Variants in PPA1 observed in about 807,000 individuals in gnomAD.
PPA1 encodes the protein inorganic pyrophosphatase.
A neutral mutation model predicts 41.8 loss-of-function variants in PPA1; 23 were observed. That is an observed-to-expected ratio of 0.55 (90% confidence interval 0.40 to 0.78). The LOEUF (loss-of-function observed/expected upper bound fraction) is 0.78. Ranked by LOEUF, PPA1 falls within the 30% of genes least tolerant of loss-of-function variation. PPA1 has a pLI of 0.00. For missense variants in PPA1, 320 were observed against 361.6 expected (o/e 0.89, Z 0.93); for synonymous variants, 101 against 116.8 (o/e 0.86, Z 0.87).
chr10:70,208,642 C>T (rs897761746), intron 8 of PPA1, among the ~76,000 whole-genome samples: 1 of 152,054 alleles, frequency 6.6e-6, no homozygotes, highest in African/African-American at 2.4e-5. Flanking sequence ...AATGCCAACT[C>T]TTAGGACTGT....
chr10:70,210,383 CAG>C (rs1564581318), intron 6 of PPA1: 1 of 1,365,262 alleles, frequency 7.3e-7, no homozygotes, highest in Non-Finnish European at 9.8e-7. Context: ...GGTCCAGAGG[CAG>C]AGGCTATGTC....
rs938646470 is a variant in PPA1, at chr10:70,203,239, T to C, written c.839-53A>G. 3 of 1,443,496 alleles carry C rather than the reference T, an allele frequency of 2.1e-6. No individual in the cohort carries two copies. In the African/African-American group the frequency reaches 4.2e-5, roughly 20 times the overall value. The allele number at this position is 1,443,496 out of a possible 1,614,324, so 89.4% of individuals were successfully genotyped here. A position where few individuals can be genotyped will look rare whatever the true frequency, so the allele number is the denominator to read the frequency against. ...TAGAATTCCTGTTGAGAATCAAAAA[T>C]ACACCTAACATATAACAAAGACTAA... On this transcript the variant is annotated intron_variant, in intron 10 of 10. Transcript: ENST00000373232.
chr10:70,207,608 T>C (rs1051421286), intron 8 of PPA1, among the ~76,000 whole-genome samples: 4 of 152,142 alleles, frequency 2.6e-5, no homozygotes, highest in South Asian at 4.1e-4. Flanking sequence ...TACAGTGAGC[T>C]ATTATAGTAA....
chr10:70,219,582 C>T (rs1418247987), intron 2 of PPA1, among the ~76,000 whole-genome samples: 1 of 152,182 alleles, frequency 6.6e-6, no homozygotes, highest in African/African-American at 2.4e-5. Context: ...TCTCCCAATT[C>T]GGCTGTTTTT....
chr10:70,204,056 T>A (rs1839909530), intron 10 of PPA1: 1 of 152,406 alleles, frequency 6.6e-6, no homozygotes, highest in Non-Finnish European at 1.5e-5. Context: ...AATATGTACG[T>A]GGCTGCGTGC....
intron 2 of PPA1, among the ~76,000 whole-genome samples, chr10:70,226,922 GA>G (rs1405264758): frequency 2.6e-5 from 4 of 151,914 alleles, no homozygotes; most frequent in Non-Finnish European, 5.9e-5. Context: ...ACAATCACCT[GA>G]AAAAAATAGA....
At chr10:70,214,451 AC>A in intron 5 of PPA1, 48 bp downstream of exon 5, 1 of 1,439,794 alleles carries the variant, frequency 6.9e-7, no homozygotes, top group Non-Finnish European at 9.7e-7. Flanking sequence ...AATTTGGTAT[AC>A]TTCATTAATA....
At chr10:70,228,562 C>T (rs760215104) in intron 2 of PPA1, among the ~76,000 whole-genome samples, 1 of 152,098 alleles carries the variant, frequency 6.6e-6, no homozygotes, top group Non-Finnish European at 1.5e-5. Context: ...CCCAATGGGG[C>T]CAATTGAAGA....
rs1840314665 is a variant in PPA1 at position 70,233,357 on chromosome 10, A to G, written c.-30T>C. The G allele has an allele frequency of 3.3e-6, 5 of 1,531,572 alleles. No homozygotes were observed. The highest frequency in any genetic ancestry group is 4.4e-6 in the Non-Finnish European group (5 of 1,141,724). The allele number at this position is 1,531,572 out of a possible 1,614,324, so 94.9% of individuals were successfully genotyped here. The stretch of plus-strand genomic sequence containing the variant: ...CCGGAGTCCTGCCGCCGCCGCTGCC[A>G]CAGAGCCACCAGCCCGCACGCGGCG... On this transcript the variant is annotated 5_prime_UTR_variant, in exon 1 of 11. Coordinates refer to ENST00000373232, the MANE Select transcript of PPA1 (RefSeq NM_021129.4).
chr10:70,227,864 G>A (rs970801970), intron 2 of PPA1, among the ~76,000 whole-genome samples: 12 of 152,048 alleles, frequency 7.9e-5, no homozygotes, highest in African/African-American at 2.4e-4. Context: ...GGCCAAGCCC[G>A]TGAGAATGTA....
chr10:70,231,125 A>G (rs568150092), intron 1 of PPA1, among the ~76,000 whole-genome samples: 2 of 152,344 alleles, frequency 1.3e-5, no homozygotes, highest in South Asian at 4.1e-4. Context: ...AGTTGCAACA[A>G]ACATCTTCAC....
rs776774423 is a variant in PPA1 at position 70,233,313 on chromosome 10, G to A, written c.15C>T (p.Ser5=). MSGF[S]TEERAAPFSL... is the part of the protein sequence containing the mutation. The stretch of plus-strand genomic sequence containing the variant: ...AGAAGGGCGCGGCGCGCTCCTCGGT[G>A]CTGAAGCCGCTCATAGTGCCGGAGT... Residue 5 remains serine (S), a synonymous_variant, in exon 1 of 11, where the codon AGC becomes AGT. Coordinates refer to ENST00000373232, the MANE Select transcript of PPA1 (RefSeq NM_021129.4). 5.2e-6 allele frequency: 8 copies of A among 1,540,226 alleles called. No homozygotes were observed. The African/African-American group carries it at 1.1e-4, about 21-fold the overall frequency.
intron 3 of PPA1, 107 bp downstream of exon 3, chr10:70,218,657 G>A: frequency 1.2e-6 from 1 of 868,192 alleles, no homozygotes; most frequent in South Asian, 1.5e-5. Context: ...ACTGGGACCA[G>A]ACAGAGAAAA....
chr10:70,220,669 TTATATATATATAATATATATAATTTA>T (rs1840137872), intron 2 of PPA1, among the ~76,000 whole-genome samples: 55 of 3,270 alleles, frequency 0.017, no homozygotes, highest in East Asian at 0.1. Flanking sequence ...TATATATAAT[TTATATATATATAATATATATAATTTA>T]TATATATATA....
intron 1 of PPA1, among the ~76,000 whole-genome samples, chr10:70,230,663 T>G (rs1424428750): frequency 6.6e-6 from 1 of 152,122 alleles, no homozygotes; most frequent in East Asian, 1.9e-4. Context: ...GGAGGTGGTG[T>G]TGCCATGTTC....
At chr10:70,204,436 A>T (rs1368047207) in intron 10 of PPA1, 1 of 153,550 alleles carries the variant, frequency 6.5e-6, no homozygotes, top group Admixed American at 6.5e-5. Flanking sequence ...ACAGAAAGAC[A>T]AATACCACAT....
Position 70,221,074 on chromosome 10 carries a change from A to AT in PPA1, c.124-2258dup, listed in dbSNP as rs1186265851. On this transcript the variant is annotated intron_variant, in intron 2 of 10. Coordinates refer to ENST00000373232, the MANE Select transcript of PPA1 (RefSeq NM_021129.4). ...ATATATAATTTATATATATATATAT[A>AT]TATTTTTTTTTTTTTTTTTTTGTAG... is the stretch of plus-strand genomic sequence containing the variant. Among the ~76,000 whole-genome samples the AT allele has an allele frequency of 9.1e-4, 19 of 20,832 alleles. 4 individuals carry two copies. The highest frequency in any genetic ancestry group is 5.4e-3 in the African/African-American group (17 of 3,158). The allele number at this position is 20,832 out of a possible 152,430, so 13.7% of individuals were successfully genotyped here.
At chr10:70,208,794 C>CTT (rs141989298) in intron 8 of PPA1, among the ~76,000 whole-genome samples, 6 of 126,630 alleles carry the variant, frequency 4.7e-5, no homozygotes, top group Non-Finnish European at 3.5e-5. Context: ...TTCTCGTACT[C>CTT]TTTTTTTTTT....
At position 70,204,878 on chromosome 10, in the gene PPA1, G is replaced by A. The variant is rs766064994; in HGVS notation, c.833C>T (p.Thr278Ile). 1 of 1,593,510 alleles carries A rather than the reference G, an allele frequency of 6.3e-7. No homozygotes were observed. Among genetic ancestry groups the A allele is most frequent in the African/African-American group, 1.3e-5 (1 of 74,492 alleles). Residue 278 changes from threonine to isoleucine, a missense_variant, in exon 10 of 11, where the codon ACA becomes ATA. Physicochemically the swap from Thr to Ile is moderately conservative, Grantham distance 89. Coordinates refer to ENST00000373232, the MANE Select transcript of PPA1 (RefSeq NM_021129.4). The part of the protein sequence containing the change: ...PPCESACTVP[T>I]DVDKWFHHQK... Reference sequence around the variant, plus strand: ...TACTGGAATAGAAATCTTACCGTCTGTTGGTACTGTGCAGGCAGATTCACA... The same window carrying A: ...TACTGGAATAGAAATCTTACCGTCTATTGGTACTGTGCAGGCAGATTCACA...
Sources: allele counts gnomAD v4.1 joint callset (sites outside exome capture counted in the v4.1 genomes callset), GRCh38; gene constraint gnomAD v4.1.1; transcripts MANE v1.5; gene names NCBI Gene and HGNC (gene_info 2026-07-23, HGNC 2026-07-21).